Variants in GPC6 observed in about 807,000 individuals in gnomAD.
GPC6 encodes the protein glypican-6.
GPC6 carries 14 observed loss-of-function variants against 55.2 expected under a neutral mutation model. The ratio of observed to expected loss-of-function variants is 0.25; its 90% CI spans 0.17 to 0.40. The LOEUF is 0.40. GPC6 is among the 10% of genes least tolerant of loss of function. GPC6 has a pLI of 1.00. For missense variants in GPC6, 641 were observed against 708.5 expected, an observed-to-expected ratio of 0.90 and a Z score of 1.08; for synonymous variants, 278 against 259.6, an observed-to-expected ratio of 1.07 and a Z score of -0.68.
At chr13:93,907,577 G>A (rs1490520542) in intron 3 of GPC6, among the ~76,000 whole-genome samples, 1 of 152,012 alleles carries the variant, frequency 6.6e-6, no homozygotes, top group Non-Finnish European at 1.5e-5. Context: ...ATAATACTTG[G>A]ATACTACTAA....
At chr13:93,977,565 C>T (rs1436159502) in intron 3 of GPC6, among the ~76,000 whole-genome samples, 1 of 139,638 alleles carries the variant, frequency 7.2e-6, no homozygotes, top group Admixed American at 7.3e-5. Context: ...TGATTTTTTT[C>T]CTTTTGATTC....
chr13:93,763,642 A>G (rs1389704032), intron 2 of GPC6, among the ~76,000 whole-genome samples: 2 of 152,244 alleles, frequency 1.3e-5, no homozygotes, highest in African/African-American at 4.8e-5. Flanking sequence ...ATGATTTATC[A>G]TAGGATATTT....
chr13:94,343,267 C>T (rs963598926), intron 6 of GPC6, among the ~76,000 whole-genome samples: 11 of 152,152 alleles, frequency 7.2e-5, no homozygotes, highest in African/African-American at 2.7e-4. Context: ...ATAAATGACT[C>T]TCCTTTTGCC....
intron 2 of GPC6, among the ~76,000 whole-genome samples, chr13:93,707,740 C>T (rs938142286): frequency 4.6e-5 from 7 of 151,670 alleles, no homozygotes; most frequent in South Asian, 4.1e-4. Context: ...CGTCATTCTG[C>T]GATATGTAAG....
chr13:94,350,075 T>TTGTGTGTG (rs367555548), intron 6 of GPC6, among the ~76,000 whole-genome samples: 6 of 150,150 alleles, frequency 4.0e-5, no homozygotes, highest in East Asian at 3.9e-4. Flanking sequence ...TATATATCTT[T>TTGTGTGTG]TGTGTGTGTG....
intron 2 of GPC6, among the ~76,000 whole-genome samples, chr13:93,811,789 A>G (rs998152392): frequency 1.9e-4 from 29 of 152,184 alleles, no homozygotes; most frequent in African/African-American, 6.5e-4. Flanking sequence ...ATGCTAAAAA[A>G]TATGTGTAAG....
chr13:93,473,285 C>T (rs1879189683), intron 1 of GPC6, among the ~76,000 whole-genome samples: 1 of 152,202 alleles, frequency 6.6e-6, no homozygotes, highest in South Asian at 2.1e-4. Flanking sequence ...TAAGCCCCTA[C>T]TTGTTTCCCC....
At chr13:94,340,016 C>A (rs1306254675) in intron 6 of GPC6, among the ~76,000 whole-genome samples, 1 of 151,894 alleles carries the variant, frequency 6.6e-6, no homozygotes, top group Admixed American at 6.6e-5. Context: ...ACCCGCCTCA[C>A]CCTCCCAAAG....
intron 3 of GPC6, among the ~76,000 whole-genome samples, chr13:93,967,930 A>G (rs1221499540): frequency 6.6e-6 from 1 of 152,190 alleles, no homozygotes; most frequent in Non-Finnish European, 1.5e-5. Context: ...TTCTGTAAAC[A>G]TAATCTAATA....
intron 2 of GPC6, among the ~76,000 whole-genome samples, chr13:93,565,940 A>T (rs201326129): frequency 0.094 from 14,164 of 150,996 alleles, 977 homozygotes; most frequent in South Asian, 0.29. Context: ...CAAACAAAAA[A>T]AAAAAAGAAA....
intron 4 of GPC6, among the ~76,000 whole-genome samples, chr13:94,107,242 T>C (rs368016589): frequency 7.9e-5 from 12 of 152,218 alleles, no homozygotes; most frequent in East Asian, 5.8e-4. Flanking sequence ...AATAAAGTTG[T>C]TTCACTGTGG....
intron 6 of GPC6, among the ~76,000 whole-genome samples, chr13:94,374,424 G>A (rs1422199312): frequency 3.4e-5 from 5 of 148,792 alleles, no homozygotes; most frequent in African/African-American, 7.5e-5. Flanking sequence ...CCTAGTCTCT[G>A]ATAAAACAGA....
intron 2 of GPC6, among the ~76,000 whole-genome samples, chr13:93,728,845 G>A (rs1439331915): frequency 6.6e-6 from 1 of 152,182 alleles, no homozygotes; most frequent in African/African-American, 2.4e-5. Flanking sequence ...TGAGATTACA[G>A]GCGTGAGCCA....
rs1889613027 is a variant in GPC6, at chr13:94,197,401, TAAACA to T, written c.878-88946_878-88942del. On this transcript the variant is annotated intron_variant, in intron 4 of 8. Coordinates refer to ENST00000377047, the MANE Select transcript of GPC6 (RefSeq NM_005708.5). ...ACAAAATACCACAAACTGGGTGTCT[TAAACA>T]ACAGACATTTATTATAATTCTAGAG... 2.6e-5 allele frequency among the ~76,000 whole-genome samples: 4 copies of T among 152,294 alleles called. No individual in the cohort carries two copies. The South Asian group carries it at 8.3e-4, about 32-fold the overall frequency.
intron 1 of GPC6, among the ~76,000 whole-genome samples, chr13:93,347,998 C>T (rs1341985149): frequency 1.3e-5 from 2 of 152,192 alleles, no homozygotes; most frequent in Non-Finnish European, 2.9e-5. Context: ...AGATGTCCTA[C>T]AGTTTTAAAG....
intron 2 of GPC6, among the ~76,000 whole-genome samples, chr13:93,817,880 AG>A (rs1886910972): frequency 1.3e-5 from 2 of 149,806 alleles, no homozygotes; most frequent in African/African-American, 4.9e-5. Flanking sequence ...ATAGATAGAT[AG>A]ATAGATAGAT....
At chr13:93,341,816 C>T (rs1049764372) in intron 1 of GPC6, among the ~76,000 whole-genome samples, 2 of 150,858 alleles carry the variant, frequency 1.3e-5, no homozygotes, top group Non-Finnish European at 2.9e-5. Context: ...TTTGCCTAAG[C>T]GAATGTCCAG....
At chr13:94,387,600 A>G (rs2892679) in intron 7 of GPC6, among the ~76,000 whole-genome samples, 32,049 of 152,118 alleles carry the variant, frequency 0.21, 3,740 homozygotes, top group African/African-American at 0.31. Flanking sequence ...GTGTCCCCCG[A>G]AAATTCATAG....
At chr13:93,979,412 G>A (rs141854156) in intron 3 of GPC6, among the ~76,000 whole-genome samples, 14 of 151,378 alleles carry the variant, frequency 9.2e-5, no homozygotes, top group African/African-American at 3.4e-4. Flanking sequence ...AAGGGCTAGT[G>A]TAATAAAGGA....
Sources: gnomAD v4.1 joint callset for allele counts (sites outside exome capture counted in the v4.1 genomes callset) on GRCh38, gnomAD v4.1.1 for gene constraint, MANE v1.5 for transcripts, NCBI Gene and HGNC (gene_info 2026-07-23, HGNC 2026-07-21) for gene names.